Variants in DLC1 observed in about 807,000 individuals in gnomAD.
DLC1 encodes the protein DLC1 Rho GTPase activating protein, also known as rho GTPase-activating protein 7.
In DLC1, 54 loss-of-function variants were observed where a neutral mutation model predicts 140.3. The observed-to-expected ratio is 0.38, with a 90% confidence interval of 0.31 to 0.48. The LOEUF (loss-of-function observed/expected upper bound fraction) is 0.48. Ranked by LOEUF, DLC1 falls within the 20% of genes least tolerant of loss-of-function variation. DLC1 has a pLI of 0.96. For missense variants in DLC1, 2,536 were observed against 1,907.0 expected (o/e 1.33, Z -6.14); for synonymous variants, 986 against 728.1 (o/e 1.35, Z -5.70).
intron 9 of DLC1, 115 bp from the exon 10 acceptor site, chr8:13,098,690 A>G: frequency 4.3e-6 from 5 of 1,156,576 alleles, no homozygotes; most frequent in Non-Finnish European, 5.9e-6. Flanking sequence ...ATCACAGCTC[A>G]CTGCAGCCTT....
intron 1 of DLC1, among the ~76,000 whole-genome samples, chr8:13,562,021 A>T (rs1031314224): frequency 6.6e-6 from 1 of 152,160 alleles, no homozygotes; most frequent in South Asian, 2.1e-4. Context: ...AGTTACGGGT[A>T]GGTTGAAGGT....
chr8:13,465,903 A>G (rs955913079), intron 2 of DLC1, among the ~76,000 whole-genome samples: 1 of 152,086 alleles, frequency 6.6e-6, no homozygotes, highest in Non-Finnish European at 1.5e-5. Context: ...GGACTTTGTC[A>G]CCCTTGACAC....
At position 13,479,869 on chromosome 8, in the gene DLC1, A is replaced by G. The variant is rs1361635950; in HGVS notation, c.1023+19180T>C. ...GAAGAAGAAGAAGAAGAGAAAAAGA[A>G]AGAAAGAAAGAAAGAAAGAAAAAGA... On this transcript the variant is annotated intron_variant, in intron 2 of 17. Coordinates refer to ENST00000276297, the MANE Select transcript of DLC1 (RefSeq NM_182643.3). Among the ~76,000 whole-genome samples, 55 of 63,858 alleles carry G rather than the reference A, an allele frequency of 8.6e-4. 4 individuals are homozygous for G. The highest frequency in any genetic ancestry group is 0.013 in the Middle Eastern group (1 of 76). 41.9% of individuals were successfully genotyped at this position (63,858 alleles called of 152,430 possible). A position where few individuals can be genotyped will look rare whatever the true frequency, so the allele number is the denominator to read the frequency against.
chr8:13,446,518 T>C (rs1276183633), intron 2 of DLC1, among the ~76,000 whole-genome samples: 1 of 151,464 alleles, frequency 6.6e-6, no homozygotes, highest in Non-Finnish European at 1.5e-5. Context: ...CAGTGAACTT[T>C]GGCTTTGTGT....
In DLC1 at chr8:13,231,457, G is replaced by A. The variant is rs529553483; in HGVS notation, c.1348+73812C>T. 3.9e-5 allele frequency among the ~76,000 whole-genome samples: 6 copies of A among 152,184 alleles called. No individual in the cohort carries two copies. In the East Asian group the frequency reaches 9.6e-4, roughly 24 times the overall value. Reference sequence around the variant, plus strand: ...GATGATTTCTAGAGTTTCTATTCCTGTATATTTTACATTTTAAAAAATGAT... The same window carrying A: ...GATGATTTCTAGAGTTTCTATTCCTATATATTTTACATTTTAAAAAATGAT... On this transcript the variant is annotated intron_variant, in intron 5 of 17. Coordinates refer to ENST00000276297, the MANE Select transcript of DLC1 (RefSeq NM_182643.3).
intron 5 of DLC1, among the ~76,000 whole-genome samples, chr8:13,176,986 G>C (rs887221280): frequency 1.3e-5 from 2 of 152,162 alleles, no homozygotes; most frequent in Non-Finnish European, 2.9e-5. Context: ...CTCTCCTAGA[G>C]CCTCCAGGAA....
chr8:13,416,988 A>T (rs753826669), intron 2 of DLC1, among the ~76,000 whole-genome samples: 7 of 152,132 alleles, frequency 4.6e-5, no homozygotes, highest in Non-Finnish European at 8.8e-5. Flanking sequence ...AAGGAATATG[A>T]TTGATTTCAA....
intron 4 of DLC1, among the ~76,000 whole-genome samples, chr8:13,392,808 G>A (rs1048320656): frequency 3.9e-4 from 51 of 131,746 alleles, no homozygotes; most frequent in African/African-American, 1.4e-3. Context: ...TCCTCCTTTC[G>A]TGGTGTATTA....
At chr8:13,598,611 C>T (rs1220116985) in intron 1 of DLC1, among the ~76,000 whole-genome samples, 1 of 152,008 alleles carries the variant, frequency 6.6e-6, no homozygotes, top group Non-Finnish European at 1.5e-5. Context: ...TATTTCAATC[C>T]ATAAGCTGAT....
intron 5 of DLC1, among the ~76,000 whole-genome samples, chr8:13,290,678 T>G (rs1219029853): frequency 6.6e-6 from 1 of 152,120 alleles, no homozygotes. Flanking sequence ...GGGGGAAAAG[T>G]GCCAATTGCT....
chr8:13,290,925 T>G (rs1831731629), intron 5 of DLC1, among the ~76,000 whole-genome samples: 1 of 152,180 alleles, frequency 6.6e-6, no homozygotes, highest in African/African-American at 2.4e-5. Context: ...TGTTTTTCTT[T>G]GAGATGGAGT....
At chr8:13,375,137 C>T (rs1835914123) in intron 4 of DLC1, among the ~76,000 whole-genome samples, 1 of 151,312 alleles carries the variant, frequency 6.6e-6, no homozygotes, top group Non-Finnish European at 1.5e-5. Flanking sequence ...ACGCCATTCT[C>T]CTGCCTTAGC....
chr8:13,460,086 G>T (rs891358937), intron 2 of DLC1, among the ~76,000 whole-genome samples: 2 of 152,186 alleles, frequency 1.3e-5, no homozygotes, highest in Non-Finnish European at 2.9e-5. Context: ...CTAAGGCAGT[G>T]TTAGGAACTC....
At chr8:13,491,638 A>T (rs772333475) in intron 2 of DLC1, among the ~76,000 whole-genome samples, 2 of 152,138 alleles carry the variant, frequency 1.3e-5, no homozygotes, top group Non-Finnish European at 2.9e-5. Flanking sequence ...ATGATTAGTG[A>T]GTTCTTTTGT....
intron 5 of DLC1, among the ~76,000 whole-genome samples, chr8:13,264,456 G>A (rs1403279473): frequency 2.6e-5 from 4 of 152,174 alleles, no homozygotes; most frequent in African/African-American, 9.7e-5. Flanking sequence ...GATATTTGCA[G>A]TATGGTGCCA....
chr8:13,441,197 T>A (rs1798494274), intron 2 of DLC1, among the ~76,000 whole-genome samples: 1 of 152,206 alleles, frequency 6.6e-6, no homozygotes, highest in Non-Finnish European at 1.5e-5. Context: ...TAGGTATTGA[T>A]GGGACGTATC....
Position 13,499,044 on chromosome 8 carries a change from C to G in DLC1, c.1023+5G>C. ...AAAGCCAGAGAATCTGTGCATATGTCTTACCTTTCTCTTACGAAGTCTGAC... is the reference window on the plus strand; with the variant it reads ...AAAGCCAGAGAATCTGTGCATATGTGTTACCTTTCTCTTACGAAGTCTGAC... On this transcript the variant is annotated splice_donor_5th_base_variant and intron_variant, in intron 2 of 17. Coordinates refer to ENST00000276297, the MANE Select transcript of DLC1 (RefSeq NM_182643.3). 1 of 1,604,592 alleles carries G rather than the reference C, an allele frequency of 6.2e-7. No homozygotes were observed. The highest frequency in any genetic ancestry group is 2.2e-5 in the East Asian group (1 of 44,814).
In DLC1 at chr8:13,439,492, A is replaced by T. The variant is rs937525752; in HGVS notation, c.1024-37873T>A. ...CTGTTTTTCTTTTCTTTTTTTTTTT[A>T]AATCCCTAATGAATAAGGTACCAAG... On this transcript the variant is annotated intron_variant, in intron 2 of 17. Transcript: ENST00000276297. Among the ~76,000 whole-genome samples the T allele has an allele frequency of 3.4e-4, 51 of 150,508 alleles. 1 individual carries two copies. Among genetic ancestry groups the T allele is most frequent in the African/African-American group, 1.2e-3 (51 of 40,936 alleles).
In DLC1 at chr8:13,444,346, G is replaced by T. The variant is rs1585118562; in HGVS notation, c.1024-42727C>A. Reference sequence around the variant, plus strand: ...GATAGCATTAGGAGAAATACCTAATGTAGATGACAAGTTGATGGGTGCAGC... The same window carrying T: ...GATAGCATTAGGAGAAATACCTAATTTAGATGACAAGTTGATGGGTGCAGC... On this transcript the variant is annotated intron_variant, in intron 2 of 17. Coordinates refer to ENST00000276297, the MANE Select transcript of DLC1 (RefSeq NM_182643.3). Among the ~76,000 whole-genome samples, 4 of 152,126 alleles carry T rather than the reference G, an allele frequency of 2.6e-5. No individual in the cohort carries two copies. In the East Asian group the frequency reaches 7.7e-4, roughly 29 times the overall value.
Sources: allele counts gnomAD v4.1 joint callset (sites outside exome capture counted in the v4.1 genomes callset), GRCh38; gene constraint gnomAD v4.1.1; transcripts MANE v1.5; gene names NCBI Gene and HGNC (gene_info 2026-07-23, HGNC 2026-07-21).